AFF2: variants seen among roughly 807,000 people sequenced by gnomAD.
The protein encoded by AFF2 is AF4/FMR2 family member 2.
AFF2 carries 14 observed loss-of-function variants against 76.9 expected under a neutral mutation model. The ratio of observed to expected loss-of-function variants is 0.18; its 90% CI spans 0.12 to 0.28. The LOEUF (loss-of-function observed/expected upper bound fraction) is 0.28, where lower values mean the gene tolerates loss of function less well. Ranked by LOEUF, AFF2 falls within the 10% of genes least tolerant of loss-of-function variation. The pLI is 1.00. For missense variants in AFF2, 868 were observed against 1,001.1 expected (o/e 0.87, Z 1.79); for synonymous variants, 398 against 366.7 (o/e 1.09, Z -0.98).
At chrX:148,873,046 T>C (rs1300809664) in intron 7 of AFF2, among the ~76,000 whole-genome samples, 3 of 111,664 alleles carry the variant, frequency 2.7e-5, no homozygotes, top group Non-Finnish European at 5.7e-5. Context: ...GCAACTCATC[T>C]AAATTGGCAG....
chrX:148,799,905 G>C (rs1216403915), intron 3 of AFF2, among the ~76,000 whole-genome samples: 3 of 110,486 alleles, frequency 2.7e-5, no homozygotes, highest in Non-Finnish European at 5.7e-5. Context: ...ATTTGAGTTT[G>C]GTCTCTACAC....
intron 9 of AFF2, among the ~76,000 whole-genome samples, chrX:148,907,250 A>G (rs2071417634): frequency 8.9e-6 from 1 of 112,433 alleles, no homozygotes; most frequent in African/African-American, 3.2e-5. Flanking sequence ...AATTGGACAT[A>G]TCCCAGAAAA....
Position 148,531,053 on chromosome X carries a change from T to A in AFF2, c.47+29909T>A, listed in dbSNP as rs545572013. On this transcript the variant is annotated intron_variant, in intron 1 of 20. Transcript: ENST00000370460. ...ATTGTTCATTAAGAAAAATATAACT[T>A]CTGTTTATTAAAATGGACTTTATTA... Among the ~76,000 whole-genome samples, 3 of 111,995 alleles carry A rather than the reference T, an allele frequency of 2.7e-5. No homozygotes were observed. In the South Asian group the frequency reaches 1.1e-3, roughly 42 times the overall value.
chrX:148,977,760 C>T (rs981410243), intron 16 of AFF2, among the ~76,000 whole-genome samples, 173 bp from the exon 17 acceptor site: 16 of 111,017 alleles, frequency 1.4e-4, no homozygotes, highest in Non-Finnish European at 3.0e-4. Flanking sequence ...CATTTTTATC[C>T]TCATTTTGTG....
chrX:148,926,026 A>G (rs1374853916), intron 9 of AFF2, among the ~76,000 whole-genome samples: 1 of 112,031 alleles, frequency 8.9e-6, no homozygotes, highest in East Asian at 2.8e-4. Context: ...ATTAAATGAG[A>G]TTCTATGTGT....
chrX:148,727,123 C>CT lies in AFF2; in HGVS notation c.1041+64362dup, dbSNP rs782077848. 3.5e-3 allele frequency among the ~76,000 whole-genome samples: 392 copies of CT among 111,822 alleles called. 1 individual carries two copies. The highest frequency in any genetic ancestry group is 0.012 in the African/African-American group (380 of 30,829). On this transcript the variant is annotated intron_variant, in intron 3 of 20. Transcript: ENST00000370460. ...TTAAGCATAATAAAATGGAAATCTG[C>CT]TTTTTTTGTTTTAGAATTATCTGAC... is the stretch of plus-strand genomic sequence containing the variant.
At chrX:148,541,411 A>G (rs782450839) in intron 1 of AFF2, among the ~76,000 whole-genome samples, 1 of 111,874 alleles carries the variant, frequency 8.9e-6, no homozygotes, top group South Asian at 3.8e-4. Flanking sequence ...TGATGTGACT[A>G]TGATGGATGT....
At chrX:148,679,598 G>A (rs1411246791) in intron 3 of AFF2, among the ~76,000 whole-genome samples, 1 of 111,732 alleles carries the variant, frequency 8.9e-6, no homozygotes, top group Non-Finnish European at 1.9e-5. Context: ...ATTTTCACTT[G>A]TCTCTTTAAT....
chrX:148,728,583 T>G (rs1461460256), intron 3 of AFF2, among the ~76,000 whole-genome samples: 1 of 112,666 alleles, frequency 8.9e-6, no homozygotes, highest in Non-Finnish European at 1.9e-5. Context: ...CAACTTTTAT[T>G]GAAAACTAAT....
rs782173849 is a variant in AFF2 at position 148,967,503 on chromosome X, G to A, written c.3204-126G>A. On this transcript the variant is annotated intron_variant, in intron 14 of 20. Coordinates refer to ENST00000370460, the MANE Select transcript of AFF2 (RefSeq NM_002025.4). ...AAGGTTGGTTATGATATGAATGACAGCATTAGTCTGCCTTTTTCAAGGCAT... is the reference window on the plus strand; with the variant it reads ...AAGGTTGGTTATGATATGAATGACAACATTAGTCTGCCTTTTTCAAGGCAT... 227 of 583,336 alleles carry A rather than the reference G, an allele frequency of 3.9e-4. 3 individuals are homozygous for A. Among genetic ancestry groups the A allele is most frequent in the Non-Finnish European group, 8.1e-5 (30 of 368,184 alleles). 48.1% of individuals were successfully genotyped at this position (583,336 alleles called of 1,213,427 possible).
At chrX:148,908,291 G>T (rs2071431544) in intron 9 of AFF2, among the ~76,000 whole-genome samples, 1 of 112,021 alleles carries the variant, frequency 8.9e-6, no homozygotes, top group Non-Finnish European at 1.9e-5. Context: ...AATCATAAGG[G>T]TATTGATTGG....
At chrX:148,629,101 TTGTGTGTGTGTGTG>T (rs58772444) in intron 1 of AFF2, among the ~76,000 whole-genome samples, 1 of 102,841 alleles carries the variant, frequency 9.7e-6, no homozygotes, top group East Asian at 3.0e-4. Flanking sequence ...TGACAAGAGT[TTGTGTGTGTGTGTG>T]TGTGTGTGTG....
chrX:148,662,769 G>A lies in AFF2; in HGVS notation c.1041+1G>A. On this transcript the variant is annotated splice_donor_variant, in intron 3 of 20. Coordinates refer to ENST00000370460, the MANE Select transcript of AFF2 (RefSeq NM_002025.4). LOFTEE classifies it high-confidence loss of function. Reference sequence around the variant, plus strand: ...GTTCACCATCCTCCAAACAAGTGAAGTAAGTAATTTTTAAAGTTTTGTTTG... The same window carrying A: ...GTTCACCATCCTCCAAACAAGTGAAATAAGTAATTTTTAAAGTTTTGTTTG... 1 of 1,202,502 alleles carries A rather than the reference G, an allele frequency of 8.3e-7. No individual in the cohort carries two copies. Among genetic ancestry groups the A allele is most frequent in the South Asian group, 1.8e-5 (1 of 55,573 alleles).
intron 7 of AFF2, among the ~76,000 whole-genome samples, chrX:148,882,116 T>C (rs1268824889): frequency 3.6e-5 from 4 of 111,550 alleles, no homozygotes; most frequent in Non-Finnish European, 7.5e-5. Context: ...TTCCACTATG[T>C]AAATTGGCAA....
At chrX:148,637,290 C>A (rs1475497787) in intron 1 of AFF2, among the ~76,000 whole-genome samples, 1 of 111,980 alleles carries the variant, frequency 8.9e-6, no homozygotes, top group African/African-American at 3.2e-5. Context: ...TCATGAAAAT[C>A]AACATTGGCA....
Position 148,889,868 on chromosome X carries a change from A to G in AFF2, c.1359+3883A>G, listed in dbSNP as rs191206297. ...AATAGCACCTTCTTCATTGGGTCATACTGGGGATTCAATGATTAGGTCAAT... is the reference window on the plus strand; with the variant it reads ...AATAGCACCTTCTTCATTGGGTCATGCTGGGGATTCAATGATTAGGTCAAT... On this transcript the variant is annotated intron_variant, in intron 8 of 20. Coordinates refer to ENST00000370460, the MANE Select transcript of AFF2 (RefSeq NM_002025.4). Among the ~76,000 whole-genome samples the G allele has an allele frequency of 2.5e-4, 28 of 111,832 alleles. No homozygotes were observed. In the East Asian group the frequency reaches 8.0e-3, roughly 32 times the overall value.
At chrX:148,792,845 A>C (rs2069916244) in intron 3 of AFF2, among the ~76,000 whole-genome samples, 1 of 111,495 alleles carries the variant, frequency 9.0e-6, no homozygotes, top group Non-Finnish European at 1.9e-5. Flanking sequence ...ACTAGACAAA[A>C]AAAGAAAGAA....
At chrX:148,738,707 T>C (rs1479355631) in intron 3 of AFF2, among the ~76,000 whole-genome samples, 2 of 111,545 alleles carry the variant, frequency 1.8e-5, no homozygotes, top group African/African-American at 6.5e-5. Flanking sequence ...AGGTGTGACC[T>C]TAGATTTTCT....
chrX:148,632,958 G>C (rs1206972201), intron 1 of AFF2, among the ~76,000 whole-genome samples: 1 of 111,706 alleles, frequency 9.0e-6, no homozygotes, highest in Non-Finnish European at 1.9e-5. Context: ...CTCACATGTG[G>C]TTACCTGAGA....
Sources: gnomAD v4.1 joint callset for allele counts (sites outside exome capture counted in the v4.1 genomes callset) on GRCh38, gnomAD v4.1.1 for gene constraint, MANE v1.5 for transcripts, NCBI Gene and HGNC (gene_info 2026-07-23, HGNC 2026-07-21) for gene names.